Variants in PLCH2 observed in about 807,000 individuals in gnomAD.
PLCH2 encodes the protein 1-phosphatidylinositol 4,5-bisphosphate phosphodiesterase eta-2.
PLCH2 carries 98 observed loss-of-function variants against 134.7 expected under a neutral mutation model. The ratio of observed to expected loss-of-function variants is 0.73; its 90% CI spans 0.62 to 0.86. The LOEUF (loss-of-function observed/expected upper bound fraction) is 0.86. Among genes scored for constraint, PLCH2 ranks in the 40% least tolerant of loss-of-function variants. The pLI is 0.00. For missense variants in PLCH2, 1,994 were observed against 1,986.6 expected, an observed-to-expected ratio of 1.00 and a Z score of -0.07; for synonymous variants, 974 against 827.5, an observed-to-expected ratio of 1.18 and a Z score of -3.04.
intron 2 of PLCH2, among the ~76,000 whole-genome samples, chr1:2,443,511 G>C (rs1024281047): frequency 6.6e-6 from 1 of 152,134 alleles, no homozygotes; most frequent in Admixed American, 6.5e-5. Context: ...GGAGGCGGAG[G>C]GGGAGGTGTG....
At chr1:2,487,768 G>T in intron 8 of PLCH2, 50 bp downstream of exon 8, 2 of 1,578,702 alleles carry the variant, frequency 1.3e-6, no homozygotes, top group East Asian at 2.2e-5. Context: ...GCAGGGTAGG[G>T]TCTCCAGGCT....
At position 2,497,518 on chromosome 1, in the gene PLCH2, G is replaced by C; in HGVS notation, c.2133G>C (p.Gln711His). ...CCCTCGCAGTTGCCCTGAACTACCA[G>C]TCAGAGGGGCGGATGCTGCAGCTGA... ...AGCQMVALNYQSEGRMLQLNR... is the reference protein window; with the variant it reads ...AGCQMVALNYHSEGRMLQLNR... Residue 711 changes from glutamine (Q) to histidine (H), a missense_variant, in exon 16 of 22, where the codon CAG becomes CAC. This residue lies in a region of PLCH2 where 1,094 missense variants were observed against 1,234.3 expected (regional missense o/e 0.89). Transcript: ENST00000378486. The C allele has an allele frequency of 6.4e-7, 1 of 1,556,550 alleles. No individual in the cohort carries two copies. Among genetic ancestry groups the C allele is most frequent in the South Asian group, 1.2e-5 (1 of 84,228 alleles).
rs367683060 is a variant in PLCH2, at chr1:2,496,908, C to T, written c.2014C>T (p.Arg672Cys). 85 of 1,613,180 alleles carry T rather than the reference C, an allele frequency of 5.3e-5. 1 individual carries two copies. Among genetic ancestry groups the T allele is most frequent in the South Asian group, 3.7e-4 (34 of 91,084 alleles). Residue 672 changes from arginine (R) to cysteine (C), a missense_variant, in exon 15 of 22, where the codon CGC (arginine) becomes TGC (cysteine). By Grantham distance (180) the Arg-to-Cys change is radical. Coordinates refer to ENST00000378486, the MANE Select transcript of PLCH2 (RefSeq NM_014638.4). ...ILQQKPAQYL[R>C]FNQQQLSRIY... ...GCAGCAGAAGCCGGCGCAGTACCTA[C>T]GCTTCAACCAGCAGCAGCTCTCCCG...
chr1:2,503,374 C>A, intron 21 of PLCH2: 1 of 586,052 alleles, frequency 1.7e-6, no homozygotes, highest in Non-Finnish European at 3.0e-6. Flanking sequence ...CTGATGTGGG[C>A]AGGTAGTGCA....
intron 8 of PLCH2, among the ~76,000 whole-genome samples, chr1:2,488,945 T>A (rs1642419794): frequency 6.6e-6 from 1 of 152,226 alleles, no homozygotes; most frequent in African/African-American, 2.4e-5. Context: ...TTGTTTTTTT[T>A]CTTATTGGGG....
the PLCH2 span, among the ~76,000 whole-genome samples, chr1:2,418,685 G>A: frequency 3.3e-5 from 5 of 152,234 alleles, no homozygotes; most frequent in African/African-American, 4.8e-5. Flanking sequence ...CAGGGGTGCC[G>A]TCCTGGACTC....
upstream of PLCH2, among the ~76,000 whole-genome samples, chr1:2,472,107 C>T (rs954863188): frequency 1.3e-5 from 2 of 152,204 alleles, no homozygotes; most frequent in Non-Finnish European, 2.9e-5. Context: ...CCTAGCACGA[C>T]CACTCTGGGG....
chr1:2,418,739 G>A, the PLCH2 span, among the ~76,000 whole-genome samples: 1,176 of 152,294 alleles, frequency 7.7e-3, 10 homozygotes, highest in African/African-American at 0.026. Flanking sequence ...CTGTGCGAGT[G>A]GGAGTGAGCC....
the PLCH2 span, among the ~76,000 whole-genome samples, chr1:2,417,165 G>A: frequency 6.6e-6 from 1 of 152,222 alleles, no homozygotes; most frequent in Non-Finnish European, 1.5e-5. Flanking sequence ...GAGGGGTGCT[G>A]GGCACCATGA....
intron 21 of PLCH2, 130 bp downstream of exon 21, chr1:2,502,539 T>C: frequency 9.9e-7 from 1 of 1,009,530 alleles, no homozygotes; most frequent in Non-Finnish European, 1.5e-6. Flanking sequence ...TGCGCCGGCG[T>C]GAACACCGGG....
At chr1:2,427,959 TC>T in intron 1 of PLCH2, among the ~76,000 whole-genome samples, 1 of 152,238 alleles carries the variant, frequency 6.6e-6, no homozygotes, top group African/African-American at 2.4e-5. Context: ...CACTTCATCC[TC>T]CGGGGGCTTC....
intron 2 of PLCH2, among the ~76,000 whole-genome samples, chr1:2,461,197 C>T (rs770039641): frequency 3.3e-5 from 5 of 152,216 alleles, no homozygotes; most frequent in Admixed American, 6.5e-5. Context: ...CTGCTGCATG[C>T]GGGCACAGAA....
intron 2 of PLCH2, among the ~76,000 whole-genome samples, chr1:2,435,825 G>T (rs545211599): frequency 1.3e-5 from 2 of 152,060 alleles, no homozygotes; most frequent in Admixed American, 6.5e-5. Context: ...ACACCTGGGG[G>T]GCTCAGCTGG....
At chr1:2,470,219 G>A (rs572141004) in intron 1 of PLCH2, among the ~76,000 whole-genome samples, 3 of 152,320 alleles carry the variant, frequency 2.0e-5, no homozygotes, top group Admixed American at 6.5e-5. Flanking sequence ...GGTCCCTGTT[G>A]TGGAGGTTTC....
chr1:2,491,396 G>T, intron 11 of PLCH2, 61 bp downstream of exon 11: 1 of 1,558,836 alleles, frequency 6.4e-7, no homozygotes, highest in Non-Finnish European at 8.7e-7. Flanking sequence ...CCAGCCTGTG[G>T]GCCAGCCAGG....
chr1:2,503,900 T>C, intron 21 of PLCH2, 22 bp from the exon 22 acceptor site: 1 of 715,894 alleles, frequency 1.4e-6, no homozygotes, highest in South Asian at 1.5e-5. Context: ...TGGCTCTCTC[T>C]CACTCCCCCA....
rs911565986 is a variant in PLCH2, at chr1:2,505,435, C to T, written c.*222C>T. The T allele has an allele frequency of 2.5e-5, 14 of 568,584 alleles. No homozygotes were observed. Among genetic ancestry groups the T allele is most frequent in the Non-Finnish European group, 4.0e-5 (13 of 323,630 alleles). The allele number at this position is 568,584 out of a possible 1,614,324, so 35.2% of individuals were successfully genotyped here. On this transcript the variant is annotated 3_prime_UTR_variant, in exon 22 of 22. Coordinates refer to ENST00000378486, the MANE Select transcript of PLCH2 (RefSeq NM_014638.4). ...GGGCTTCGAGGCTGGCCCTGCCAGGCAGTTTTCCCGGCGTTTTAGGATCTG... is the reference window on the plus strand; with the variant it reads ...GGGCTTCGAGGCTGGCCCTGCCAGGTAGTTTTCCCGGCGTTTTAGGATCTG...
At chr1:2,481,023 C>T (rs375141757) in intron 4 of PLCH2, among the ~76,000 whole-genome samples, 14 of 152,326 alleles carry the variant, frequency 9.2e-5, no homozygotes, top group East Asian at 5.8e-4. Context: ...CGCACACACA[C>T]GCACACGCAT....
At chr1:2,478,719 C>T (rs550020410) in intron 2 of PLCH2, 97 bp downstream of exon 2, 18 of 1,255,378 alleles carry the variant, frequency 1.4e-5, no homozygotes, top group South Asian at 1.4e-4. Context: ...TGAGGAGCAG[C>T]GAGACCCTAG....
Sources: gnomAD v4.1 joint callset for allele counts (sites outside exome capture counted in the v4.1 genomes callset) on GRCh38, gnomAD v4.1.1 for gene constraint, gnomAD v4.1.1 regional missense constraint, MANE v1.5 for transcripts, NCBI Gene and HGNC (gene_info 2026-07-23, HGNC 2026-07-21) for gene names.